GPBP1: variants seen among roughly 807,000 people sequenced by gnomAD.
The protein encoded by GPBP1 is vasculin.
A neutral mutation model predicts 56.5 loss-of-function variants in GPBP1; 13 were observed. The observed-to-expected ratio is 0.23, with a 90% CI of 0.15 to 0.37. The LOEUF is 0.37. GPBP1 is among the 10% of genes least tolerant of loss of function. GPBP1 has a pLI of 1.00. For synonymous variants in GPBP1, 204 were observed against 188.9 expected (o/e 1.08, Z -0.66); for missense variants, 477 against 572.3 (o/e 0.83, Z 1.70).
chr5:57,252,425 CTG>C (rs1444027297), intron 10 of GPBP1, among the ~76,000 whole-genome samples: 1 of 152,050 alleles, frequency 6.6e-6, no homozygotes, highest in Non-Finnish European at 1.5e-5. Context: ...GTGTCTCACT[CTG>C]TCACCCAGGC....
intron 2 of GPBP1, among the ~76,000 whole-genome samples, chr5:57,177,228 TGA>T (rs756374498): frequency 3.3e-5 from 5 of 152,096 alleles, no homozygotes; most frequent in Non-Finnish European, 7.4e-5. Context: ...TTTTGACAGG[TGA>T]GAGAGTTATC....
Position 57,264,158 on chromosome 5 carries a change from TAAAAAC to T in GPBP1, c.*1409_*1414del, listed in dbSNP as rs1485912072. 1 of 152,140 alleles carries T rather than the reference TAAAAAC, an allele frequency of 6.6e-6. No individual in the cohort carries two copies. Among genetic ancestry groups the T allele is most frequent in the Non-Finnish European group, 1.5e-5 (1 of 68,004 alleles). The allele number at this position is 152,140 out of a possible 1,614,324, so 9.4% of individuals were successfully genotyped here. ...CTGAGACTGATGGTGATGGGGAAAT[TAAAAAC>T]AACACACTAGCACACTCCCACAAAA... On this transcript the variant is annotated 3_prime_UTR_variant, in exon 12 of 12. Coordinates refer to ENST00000506184, the MANE Select transcript of GPBP1 (RefSeq NM_022913.4).
chr5:57,237,122 C>G, intron 6 of GPBP1: 1 of 1,547,960 alleles, frequency 6.5e-7, no homozygotes, highest in Non-Finnish European at 8.7e-7. Flanking sequence ...GGCCTACACG[C>G]CCAGACACAC....
rs33915420 is a variant in GPBP1 at position 57,219,419 on chromosome 5, C to CCA, written c.63+5226_63+5227insCA. ...AAAAAAAAAACCAAAAACAAACAAA[C>CCA]AAAAAAAAAAACAACAAAACCACAC... On this transcript the variant is annotated intron_variant, in intron 3 of 11. Transcript: ENST00000506184. 5.6e-3 allele frequency among the ~76,000 whole-genome samples: 384 copies of CCA among 68,054 alleles called. 27 individuals are homozygous for CCA. Among genetic ancestry groups the CCA allele is most frequent in the African/African-American group, 0.014 (263 of 19,104 alleles). The allele number at this position is 68,054 out of a possible 152,430, so 44.6% of individuals were successfully genotyped here.
intron 3 of GPBP1, among the ~76,000 whole-genome samples, chr5:57,229,230 C>CAAGAAAAAAA (rs1756331329): frequency 1.3e-5 from 1 of 77,426 alleles, no homozygotes; most frequent in Non-Finnish European, 2.8e-5. Context: ...GACTCCATCT[C>CAAGAAAAAAA]AAAAAAAAAA....
chr5:57,193,778 T>A (rs1317313447), intron 2 of GPBP1, among the ~76,000 whole-genome samples: 1 of 151,990 alleles, frequency 6.6e-6, no homozygotes, highest in African/African-American at 2.4e-5. Context: ...AAAAATGGAT[T>A]AAGAGTTTAA....
At chr5:57,179,746 A>G (rs1032977997) in intron 2 of GPBP1, among the ~76,000 whole-genome samples, 2 of 151,926 alleles carry the variant, frequency 1.3e-5, no homozygotes, top group Non-Finnish European at 2.9e-5. Context: ...GATTACCCGC[A>G]TGTGCCACCA....
intron 3 of GPBP1, among the ~76,000 whole-genome samples, chr5:57,219,429 A>AC (rs1434859684): frequency 2.0e-5 from 3 of 148,220 alleles, no homozygotes; most frequent in Admixed American, 6.7e-5. Flanking sequence ...CAAAAAAAAA[A>AC]ACAACAAAAC....
intron 10 of GPBP1, among the ~76,000 whole-genome samples, chr5:57,256,116 C>T (rs138093125): frequency 0.011 from 1,747 of 152,152 alleles, 31 homozygotes; most frequent in African/African-American, 0.04. Context: ...ATTAGCTAGG[C>T]GTGGTGGCGT....
rs1255657390 is a variant in GPBP1 at position 57,250,985 on chromosome 5, A to G, written c.1004A>G (p.Asn335Ser). Residue 335 changes from asparagine (N) to serine (S), a missense_variant, in exon 10 of 12, where the codon AAT (asparagine) becomes AGT (serine). By Grantham distance (46) the Asn-to-Ser change is conservative (BLOSUM62 1). Coordinates refer to ENST00000506184, the MANE Select transcript of GPBP1 (RefSeq NM_022913.4). ...DDDSFNLHNS[N>S]STHQERDINR... ...GACTCATTTAATTTACATAACAGCA[A>G]TAGTACTCACCAAGAAAGGGATATA... is the stretch of plus-strand genomic sequence containing the variant. The G allele has an allele frequency of 3.7e-6, 6 of 1,609,798 alleles. No individual in the cohort carries two copies. Among genetic ancestry groups the G allele is most frequent in the East Asian group, 2.2e-5 (1 of 44,768 alleles).
intron 1 of GPBP1, among the ~76,000 whole-genome samples, chr5:57,174,463 G>T (rs1753705922): frequency 6.6e-6 from 1 of 152,170 alleles, no homozygotes; most frequent in Non-Finnish European, 1.5e-5. Context: ...AGCCCCGGCG[G>T]CTTGGTTGGG....
At chr5:57,179,411 C>A (rs1327747127) in intron 2 of GPBP1, among the ~76,000 whole-genome samples, 2 of 152,102 alleles carry the variant, frequency 1.3e-5, no homozygotes, top group African/African-American at 4.8e-5. Context: ...TGTAATGGCA[C>A]GATTGTAGCT....
rs533406402 is a variant in GPBP1 at position 57,235,809 on chromosome 5, A to G, written c.412-157A>G. 5.3e-5 allele frequency among the ~76,000 whole-genome samples: 8 copies of G among 152,324 alleles called. No individual in the cohort carries two copies. In the East Asian group the frequency reaches 1.5e-3, roughly 29 times the overall value. ...GCAGAGCGTGACACTGGCACTCAAA[A>G]AGTTTCAGATTTTGTAGCTTTTCAG... On this transcript the variant is annotated intron_variant, in intron 5 of 11. Coordinates refer to ENST00000506184, the MANE Select transcript of GPBP1 (RefSeq NM_022913.4).
At chr5:57,231,772 T>C (rs1049842440) in intron 5 of GPBP1, among the ~76,000 whole-genome samples, 4 of 152,244 alleles carry the variant, frequency 2.6e-5, no homozygotes, top group Non-Finnish European at 5.9e-5. Flanking sequence ...CTGAGTCAGC[T>C]GGTGTTCTTG....
At chr5:57,199,999 C>T (rs536552639) in intron 2 of GPBP1, among the ~76,000 whole-genome samples, 6 of 143,278 alleles carry the variant, frequency 4.2e-5, no homozygotes, top group Non-Finnish European at 6.0e-5. Context: ...TGAGCCACTG[C>T]GCCTGGCCCT....
intron 2 of GPBP1, among the ~76,000 whole-genome samples, chr5:57,186,759 CAG>C (rs554230397): frequency 2.0e-5 from 3 of 152,134 alleles, no homozygotes; most frequent in South Asian, 4.1e-4. Flanking sequence ...TGTGTGGAAA[CAG>C]AGTCTCACTG....
chr5:57,201,145 G>A (rs1454581141), intron 2 of GPBP1, among the ~76,000 whole-genome samples: 2 of 152,082 alleles, frequency 1.3e-5, no homozygotes, highest in African/African-American at 4.8e-5. Context: ...TTTTTAAAAA[G>A]TTAAATTCTG....
intron 2 of GPBP1, among the ~76,000 whole-genome samples, chr5:57,179,607 GT>G (rs1316155125): frequency 6.6e-6 from 1 of 152,062 alleles, no homozygotes; most frequent in Admixed American, 6.6e-5. Flanking sequence ...GTTTTTTTGG[GT>G]TTTTTTGAGA....
At chr5:57,225,051 T>G (rs1257930294) in intron 3 of GPBP1, among the ~76,000 whole-genome samples, 4 of 152,038 alleles carry the variant, frequency 2.6e-5, no homozygotes, top group Non-Finnish European at 5.9e-5. Flanking sequence ...AAGTAGGAGA[T>G]TTTCTTTTTT....
Sources: allele counts gnomAD v4.1 joint callset (sites outside exome capture counted in the v4.1 genomes callset), GRCh38; gene constraint gnomAD v4.1.1; transcripts MANE v1.5; gene names NCBI Gene and HGNC (gene_info 2026-07-23, HGNC 2026-07-21).